The following GALT variants were observed in gnomAD, a reference collection of about 807,000 sequenced individuals.
GALT encodes UDP-glucose--hexose-1-phosphate uridylyltransferase.
Under a neutral mutation model 55.4 loss-of-function variants are expected in GALT, and 42 were observed. The observed-to-expected ratio is 0.76, with a 90% CI of 0.59 to 0.98. The LOEUF (loss-of-function observed/expected upper bound fraction) is 0.98. Among genes scored for constraint, GALT ranks in the 50% least tolerant of loss-of-function variants. GALT has a pLI of 0.00. For missense variants in GALT, 407 were observed against 495.7 expected, an observed-to-expected ratio of 0.82 and a Z score of 1.70; for synonymous variants, 154 against 181.5, an observed-to-expected ratio of 0.85 and a Z score of 1.22.
In GALT at chr9:34,647,474, G is replaced by A. The variant is rs567181626; in HGVS notation, c.253-18G>A. On this transcript the variant is annotated intron_variant, in intron 2 of 10. Transcript: ENST00000378842. This position sits in a 1 kb window ranked among gnomAD's most constrained non-coding sequence, Gnocchi z 5.6. ...TGGTATGGGGCAGTGAGTGCTTCTA[G>A]CCTATCCTTGTCGGTAGGTGAATCC... 12 of 1,613,838 alleles carry A rather than the reference G, an allele frequency of 7.4e-6. No homozygotes were observed. Among genetic ancestry groups the A allele is most frequent in the Admixed American group, 3.3e-5 (2 of 60,020 alleles).
rs1055505253 is a variant in GALT, at chr9:34,650,734, T to A, written c.*285T>A. On this transcript the variant is annotated 3_prime_UTR_variant, in exon 11 of 11. Transcript: ENST00000378842. ...CCAAATTTCTGAACAAAATTAATATTCAGTATTATATCTAGCCTATAGATT... is the reference window on the plus strand; with the variant it reads ...CCAAATTTCTGAACAAAATTAATATACAGTATTATATCTAGCCTATAGATT... The A allele has an allele frequency of 4.4e-6, 2 of 457,032 alleles. No homozygotes were observed. Among genetic ancestry groups the A allele is most frequent in the African/African-American group, 3.9e-5 (2 of 50,638 alleles). 28.3% of individuals were successfully genotyped at this position (457,032 alleles called of 1,614,324 possible).
intron 10 of GALT, chr9:34,649,799 C>T (rs1821208870): frequency 1.9e-6 from 1 of 537,462 alleles, no homozygotes; most frequent in South Asian, 2.1e-5. Flanking sequence ...GATAGTTTCC[C>T]ATAACAACCT....
In GALT at chr9:34,647,970, G is replaced by A. The variant is rs1438905582; in HGVS notation, c.507+9G>A. On this transcript the variant is annotated intron_variant, in intron 5 of 10. Transcript: ENST00000378842. The surrounding 1 kb of genome is among the most constrained non-coding windows in gnomAD (Gnocchi z 5.6). Reference sequence around the variant, plus strand: ...AGTACCCTTGGGTGCAGGTTTGTGAGGTCGCCCCTTCCCCTGGATGGGCAG... The same window carrying A: ...AGTACCCTTGGGTGCAGGTTTGTGAAGTCGCCCCTTCCCCTGGATGGGCAG... 1.9e-6 allele frequency: 3 copies of A among 1,614,216 alleles called. No individual in the cohort carries two copies. Among genetic ancestry groups the A allele is most frequent in the East Asian group, 4.5e-5 (2 of 44,884 alleles).
In GALT at chr9:34,648,323, C is replaced by T. The variant is rs1228472576; in HGVS notation, c.565-11C>T. On this transcript the variant is annotated splice_polypyrimidine_tract_variant and intron_variant, in intron 6 of 10. Coordinates refer to ENST00000378842, the MANE Select transcript of GALT (RefSeq NM_000155.4). The surrounding 1 kb of genome is among the most constrained non-coding windows in gnomAD (Gnocchi z 4.9). ...ACCTGCCTGTTCTTCTCTGCTTTTG[C>T]CCCTTGACAGGTATGGGCCAGCAGT... 1 of 1,614,152 alleles carries T rather than the reference C, an allele frequency of 6.2e-7. No homozygotes were observed.
In GALT at chr9:34,647,853, CT is replaced by C. The variant is rs111033689; in HGVS notation, c.400del (p.Trp134GlyfsTer4). 1.2e-5 allele frequency: 19 copies of C among 1,614,238 alleles called. No homozygotes were observed. The highest frequency in any genetic ancestry group is 1.6e-5 in the Non-Finnish European group (19 of 1,180,046). ...CCAGTAAGGTCATGTGCTTCCACCCCTGGTCGGATGTAACGCTGCCACTCAT... is the reference window on the plus strand; with the variant it reads ...CCAGTAAGGTCATGTGCTTCCACCCCGGTCGGATGTAACGCTGCCACTCAT... The part of the protein sequence containing the change: ...GVCKVMCFHP[W>X]SDVTLPLMSV... On this transcript the variant is annotated frameshift_variant, in exon 5 of 11. Coordinates refer to ENST00000378842, the MANE Select transcript of GALT (RefSeq NM_000155.4). LOFTEE classifies it high-confidence loss of function. This position sits in a 1 kb window ranked among gnomAD's most constrained non-coding sequence, Gnocchi z 5.6.
At position 34,647,558 on chromosome 9, in the gene GALT, C is replaced by T; in HGVS notation, c.319C>T (p.Pro107Ser). 1 of 1,614,182 alleles carries T rather than the reference C, an allele frequency of 6.2e-7. No individual in the cohort carries two copies. Among genetic ancestry groups the T allele is most frequent in the Non-Finnish European group, 8.5e-7 (1 of 1,180,044 alleles). The part of the protein sequence containing the change: ...NDFPALQPDA[P>S]SPGPSDHPLF... The stretch of plus-strand genomic sequence containing the variant: ...CTTCCCAGCTCTGCAGCCTGATGCC[C>T]CCAGTCCAGGTAACCTGGCTCCAAC... Residue 107 changes from proline to serine, a missense_variant, in exon 3 of 11, where the codon CCC becomes TCC. Transcript: ENST00000378842. The surrounding 1 kb of genome is among the most constrained non-coding windows in gnomAD (Gnocchi z 5.6).
Position 34,650,398 on chromosome 9 carries a change from G to C in GALT, c.1089G>C (p.Glu363Asp), listed in dbSNP as rs1821228534. ...CAGAGAGACTAAGGGCACTTCCTGAGGTTCATTACCACCTGGGGCAGAAGG... is the reference window on the plus strand; with the variant it reads ...CAGAGAGACTAAGGGCACTTCCTGACGTTCATTACCACCTGGGGCAGAAGG... Reference protein sequence around the residue: ...QAAERLRALPEVHYHLGQKDR... With the variant: ...QAAERLRALPDVHYHLGQKDR... The change falls in exon 11 of 11, where the codon GAG becomes GAC. Residue 363 changes from glutamate (E) to aspartate (D), a missense_variant. Glu to Asp is a conservative substitution (Grantham distance 45). Coordinates refer to ENST00000378842, the MANE Select transcript of GALT (RefSeq NM_000155.4). 1.2e-6 allele frequency: 2 copies of C among 1,613,990 alleles called. No individual in the cohort carries two copies. The highest frequency in any genetic ancestry group is 1.7e-6 in the Non-Finnish European group (2 of 1,180,002).
intron 10 of GALT, 43 bp from the exon 11 acceptor site, chr9:34,650,326 C>A: frequency 7.2e-7 from 1 of 1,396,558 alleles, no homozygotes; most frequent in Non-Finnish European, 1.0e-6. Flanking sequence ...TTCTTGGCAG[C>A]CCAGCCCTTA....
intron 9 of GALT, 24 bp downstream of exon 9, chr9:34,649,105 T>G (rs768748399): frequency 6.2e-7 from 1 of 1,604,814 alleles, no homozygotes; most frequent in Non-Finnish European, 8.5e-7. Context: ...AGTACCTATA[T>G]TTAGCCCCAA....
chr9:34,646,898 A>C, intron 1 of GALT, 112 bp downstream of exon 1: 1 of 1,608,286 alleles, frequency 6.2e-7, no homozygotes, highest in Admixed American at 1.7e-5. Context: ...CCAGACCGAC[A>C]AGGCGTACAG....
rs1175581129 is a variant in GALT, at chr9:34,647,484, G to T, written c.253-8G>T. On this transcript the variant is annotated splice_region_variant and splice_polypyrimidine_tract_variant and intron_variant, in intron 2 of 10. Coordinates refer to ENST00000378842, the MANE Select transcript of GALT (RefSeq NM_000155.4). The surrounding 1 kb of genome is among the most constrained non-coding windows in gnomAD (Gnocchi z 5.6). ...CAGTGAGTGCTTCTAGCCTATCCTT[G>T]TCGGTAGGTGAATCCCCAGTACGAT... 6.8e-6 allele frequency: 11 copies of T among 1,613,932 alleles called. No homozygotes were observed. The highest frequency in any genetic ancestry group is 8.5e-6 in the Non-Finnish European group (10 of 1,179,984).
At chr9:34,649,240 T>G in intron 9 of GALT, 159 bp downstream of exon 9, 3 of 1,189,444 alleles carry the variant, frequency 2.5e-6, no homozygotes, top group Non-Finnish European at 3.7e-6. Flanking sequence ...AGCAGCAAAC[T>G]TGGTGAAACT....
chr9:34,646,849 G>C (rs1821115281), intron 1 of GALT, 63 bp downstream of exon 1: 1 of 1,611,380 alleles, frequency 6.2e-7, no homozygotes. Context: ...TCCTTAGGAA[G>C]CTTTCGTCCC....
At position 34,650,331 on chromosome 9, in the gene GALT, C is replaced by T. The variant is rs375841641; in HGVS notation, c.1060-38C>T. The stretch of plus-strand genomic sequence containing the variant: ...CATGCCACCATTCTTGGCAGCCCAG[C>T]CCTTATCCTCCTTAATTGCTCCCTG... On this transcript the variant is annotated intron_variant, in intron 10 of 10. Transcript: ENST00000378842. 4.2e-6 allele frequency: 6 copies of T among 1,435,722 alleles called. No individual in the cohort carries two copies. In the South Asian group the frequency reaches 5.7e-5, roughly 14 times the overall value. 88.9% of individuals were successfully genotyped at this position (1,435,722 alleles called of 1,614,324 possible).
rs1821182301 is a variant in GALT at position 34,648,999 on chromosome 9, T to C, written c.822T>C (p.Asp274=). Residue 274 remains aspartate (D), a splice_region_variant and synonymous_variant, in exon 9 of 11, where the codon GAT becomes GAC. Transcript: ENST00000378842. This position sits in a 1 kb window ranked among gnomAD's most constrained non-coding sequence, Gnocchi z 4.9. ...LPELTPAERD[D]LASIMKKLLT... ...CTGAGAGTCAGGCTCTGATTCCAGA[T>C]CTAGCCTCCATCATGAAGAAGCTCT... The C allele has an allele frequency of 6.2e-7, 1 of 1,613,958 alleles. No homozygotes were observed. Among genetic ancestry groups the C allele is most frequent in the Non-Finnish European group, 8.5e-7 (1 of 1,180,010 alleles).
Position 34,649,079 on chromosome 9 carries a change from A to G in GALT, c.902A>G (p.His301Arg), listed in dbSNP as rs886042065. 4 of 1,613,980 alleles carry G rather than the reference A, an allele frequency of 2.5e-6. No individual in the cohort carries two copies. Among genetic ancestry groups the G allele is most frequent in the Non-Finnish European group, 3.4e-6 (4 of 1,179,852 alleles). Residue 301 changes from histidine to arginine, a missense_variant and splice_region_variant, in exon 9 of 11, where the codon CAT becomes CGT. Coordinates refer to ENST00000378842, the MANE Select transcript of GALT (RefSeq NM_000155.4). Reference sequence around the variant, plus strand: ...TCCTTTCCCTACTCCATGGGCTGGCATGGTGAGGCTTTTCAAGTACCTATA... The same window carrying G: ...TCCTTTCCCTACTCCATGGGCTGGCGTGGTGAGGCTTTTCAAGTACCTATA... ...ETSFPYSMGW[H>R]GAPTGSEAGA...
intron 10 of GALT, 37 bp from the exon 11 acceptor site, chr9:34,650,332 C>G: frequency 6.8e-7 from 1 of 1,479,478 alleles, no homozygotes; most frequent in Non-Finnish European, 9.4e-7. Flanking sequence ...GCAGCCCAGC[C>G]CTTATCCTCC....
chr9:34,648,909 T>A lies in GALT; in HGVS notation c.820+15T>A, dbSNP rs778429269. On this transcript the variant is annotated intron_variant, in intron 8 of 10. Coordinates refer to ENST00000378842, the MANE Select transcript of GALT (RefSeq NM_000155.4). This position sits in a 1 kb window ranked among gnomAD's most constrained non-coding sequence, Gnocchi z 4.9. ...TGAGCGTGATGGTCAGTCTCCCAAG[T>A]AGGATCCTGGGGCTAGGCACTGGAT... 1 of 1,613,602 alleles carries A rather than the reference T, an allele frequency of 6.2e-7. No homozygotes were observed. The highest frequency in any genetic ancestry group is 8.5e-7 in the Non-Finnish European group (1 of 1,180,022).
At position 34,647,726 on chromosome 9, in the gene GALT, T is replaced by C; in HGVS notation, c.377+21T>C. 6.2e-7 allele frequency: 1 copy of C among 1,614,156 alleles called. No homozygotes were observed. Among genetic ancestry groups the C allele is most frequent in the Non-Finnish European group, 8.5e-7 (1 of 1,179,998 alleles). On this transcript the variant is annotated intron_variant, in intron 4 of 10. Transcript: ENST00000378842. This position sits in a 1 kb window ranked among gnomAD's most constrained non-coding sequence, Gnocchi z 5.6. ...GTCTGGTAACTATGGATTTCCCCTC[T>C]TACAACTTTCAAACCAGAGTTGGAG... is the stretch of plus-strand genomic sequence containing the variant.
Sources: allele counts gnomAD v4.1 joint callset, GRCh38; gene constraint gnomAD v4.1.1; non-coding constraint Gnocchi (gnomAD v3.1); transcripts MANE v1.5; gene names NCBI Gene and HGNC (gene_info 2026-07-23, HGNC 2026-07-21).